MUC4: variants seen among roughly 807,000 people sequenced by gnomAD.
MUC4 encodes mucin 4, cell surface associated, also known as mucin-4.
A neutral mutation model predicts 257.9 loss-of-function variants in MUC4; 202 were observed. The observed-to-expected ratio is 0.78, with a 90% CI of 0.70 to 0.88. MUC4 has a LOEUF of 0.88. MUC4 is among the 40% of genes least tolerant of loss of function. MUC4 has a pLI of 0.00. For missense variants in MUC4, 5,976 were observed against 6,513.7 expected (o/e 0.92, Z 2.84); for synonymous variants, 2,351 against 2,757.1 (o/e 0.85, Z 4.62).
At chr3:195,802,905 G>A (rs1273316459) in intron 1 of MUC4, among the ~76,000 whole-genome samples, 2 of 152,022 alleles carry the variant, frequency 1.3e-5, no homozygotes, top group East Asian at 3.9e-4. Flanking sequence ...CAGCTGCAAA[G>A]GCCGTTTTCC....
chr3:195,757,242 A>T lies in MUC4; in HGVS notation c.15073T>A (p.Ser5025Thr), dbSNP rs757475796. 1.9e-6 allele frequency: 3 copies of T among 1,613,600 alleles called. No homozygotes were observed. The East Asian group carries it at 6.7e-5, about 36-fold the overall frequency. Residue 5025 changes from serine (S) to threonine (T), a missense_variant, in exon 18 of 25, where the codon TCT becomes ACT. Ser to Thr is a moderately conservative substitution (Grantham distance 58, BLOSUM62 1). Around this residue, in one of 44 missense-constraint regions of MUC4, gnomAD observed 996 missense variants for 1,137.3 expected, o/e 0.88. Coordinates refer to ENST00000463781, the MANE Select transcript of MUC4 (RefSeq NM_018406.7). This position sits in a 1 kb window ranked among gnomAD's most constrained non-coding sequence, Gnocchi z 4.8. ...ACCACAGTCCTGGGCTGGAGTGCAG[A>T]TGCCAAGCCAATCTTGGCACTTCTT... is the stretch of plus-strand genomic sequence containing the variant. ...LARSAKIGLA[S>T]ALQPRTVVCH...
chr3:195,788,266 A>G lies in MUC4; in HGVS notation c.3314T>C (p.Leu1105Pro). Residue 1105 changes from leucine (L) to proline (P), a missense_variant, in exon 2 of 25, where the codon CTT becomes CCT. Physicochemically the swap from Leu to Pro is moderately conservative, Grantham distance 98. Around this residue, in one of 44 missense-constraint regions of MUC4, gnomAD observed 68 missense variants for 90.4 expected, o/e 0.75. Transcript: ENST00000463781. ...TACTGAGGAAGTGTCGGTGACAGGA[A>G]GAGAGGTGGCGTGACCTGTGGATGC... ...SSASTGHATS[L>P]PVTDTSSVST... 1 of 1,474,750 alleles carries G rather than the reference A, an allele frequency of 6.8e-7. No homozygotes were observed. The highest frequency in any genetic ancestry group is 3.1e-5 in the East Asian group (1 of 31,956). The allele number at this position is 1,474,750 out of a possible 1,614,324, so 91.4% of individuals were successfully genotyped here.
chr3:195,801,441 GC>G (rs1735297737), intron 1 of MUC4, among the ~76,000 whole-genome samples: 1 of 151,542 alleles, frequency 6.6e-6, no homozygotes, highest in Non-Finnish European at 1.5e-5. Context: ...CCTCCCCGGG[GC>G]CCCGGGGCTC....
intron 16 of MUC4, among the ~76,000 whole-genome samples, chr3:195,760,668 TAGG>T (rs1174503232): frequency 6.7e-6 from 1 of 150,104 alleles, no homozygotes; most frequent in East Asian, 2.0e-4. Context: ...CGTCCAGCAC[TAGG>T]AGAAGAGCTC....
In MUC4 at chr3:195,755,673, G is replaced by A. The variant is rs1014840977; in HGVS notation, c.15169-1301C>T. 6.6e-6 allele frequency among the ~76,000 whole-genome samples: 1 copy of A among 152,206 alleles called. No homozygotes were observed. The highest frequency in any genetic ancestry group is 6.5e-5 in the Admixed American group (1 of 15,282). ...CGACTCGGGGAATCTCCCTAAAATG[G>A]AATCCTCTAACACTTGCTACTCCCA... On this transcript the variant is annotated intron_variant, in intron 18 of 24. Coordinates refer to ENST00000463781, the MANE Select transcript of MUC4 (RefSeq NM_018406.7). This position sits in a 1 kb window ranked among gnomAD's most constrained non-coding sequence, Gnocchi z 5.0.
chr3:195,782,640 GGTGTCAGGAAGAGGGGTGGC>G lies in MUC4; in HGVS notation c.8920_8939del (p.Ala2974ArgfsTer121). 1 of 884,098 alleles carries G rather than the reference GGTGTCAGGAAGAGGGGTGGC, an allele frequency of 1.1e-6. No individual in the cohort carries two copies. 54.8% of individuals were successfully genotyped at this position (884,098 alleles called of 1,614,324 possible). The stretch of plus-strand genomic sequence containing the variant: ...GACCTGTGGATGCTGAGGAAGTGTC[GGTGTCAGGAAGAGGGGTGGC>G]GTGACCTGTGGATGCTGAGGAAGTG... On this transcript the variant is annotated frameshift_variant, in exon 2 of 25. Coordinates refer to ENST00000463781, the MANE Select transcript of MUC4 (RefSeq NM_018406.7). LOFTEE classifies it high-confidence loss of function.
intron 18 of MUC4, among the ~76,000 whole-genome samples, chr3:195,754,756 A>G (rs963861555): frequency 6.6e-6 from 1 of 152,122 alleles, no homozygotes; most frequent in African/African-American, 2.4e-5. Flanking sequence ...GTATGTATCC[A>G]TGTATGTATG....
Position 195,788,967 on chromosome 3 carries a change from G to A in MUC4, c.2613C>T (p.Thr871=). The A allele has an allele frequency of 6.2e-7, 1 of 1,613,724 alleles. No individual in the cohort carries two copies. Among genetic ancestry groups the A allele is most frequent in the Non-Finnish European group, 8.5e-7 (1 of 1,179,778 alleles). Residue 871 remains threonine (T), a synonymous_variant, in exon 2 of 25, where the codon ACC becomes ACT. Coordinates refer to ENST00000463781, the MANE Select transcript of MUC4 (RefSeq NM_018406.7). ...TGMASSIVPG[T]FHPTLSEAST... is the part of the protein sequence containing the mutation. ...AGGCCTCAGAGAGGGTGGGATGAAA[G>A]GTGCCGGGGACGATCGAAGACGCCA...
At position 195,748,986 on chromosome 3, in the gene MUC4, C is replaced by T; in HGVS notation, c.15950G>A (p.Gly5317Asp). 6.2e-7 allele frequency: 1 copy of T among 1,609,714 alleles called. No individual in the cohort carries two copies. Among genetic ancestry groups the T allele is most frequent in the Non-Finnish European group, 8.5e-7 (1 of 1,177,954 alleles). ...ACTGCACGGGGACACGCAGGTGAAG[C>T]CGCTCTGGGGGCTGTAGACCAGGTC... Reference protein sequence around the residue: ...GYDLVYSPQSGFTCVSPCSRG... With the variant: ...GYDLVYSPQSDFTCVSPCSRG... Residue 5317 changes from glycine (G) to aspartate (D), a missense_variant, in exon 24 of 25, where the codon GGC becomes GAC. Gly to Asp is a moderately conservative substitution (Grantham distance 94, BLOSUM62 -1). This residue lies in a region of MUC4 where 310 missense variants were observed against 242.1 expected (regional missense o/e 1.28). Transcript: ENST00000463781.
At chr3:195,756,164 C>T (rs752405346) in intron 18 of MUC4, among the ~76,000 whole-genome samples, 32 of 152,178 alleles carry the variant, frequency 2.1e-4, no homozygotes, top group Non-Finnish European at 4.0e-4. Context: ...GTGATGATGA[C>T]ATCCTAGGGA....
chr3:195,801,349 C>T (rs1735280562), intron 1 of MUC4, among the ~76,000 whole-genome samples: 1 of 152,064 alleles, frequency 6.6e-6, no homozygotes, highest in Non-Finnish European at 1.5e-5. Context: ...CTTCTCTCCC[C>T]GTGACCCTCC....
chr3:195,777,673 A>G (rs1199342229), intron 3 of MUC4, among the ~76,000 whole-genome samples: 36 of 50,430 alleles, frequency 7.1e-4, no homozygotes, highest in African/African-American at 1.9e-3. Context: ...TACCTTCCAC[A>G]CCCATACCTT....
intron 7 of MUC4, among the ~76,000 whole-genome samples, chr3:195,767,582 C>CCAT (rs1262221699): frequency 2.6e-5 from 3 of 115,148 alleles, no homozygotes; most frequent in African/African-American, 4.2e-5. Flanking sequence ...ATCACCACCA[C>CCAT]CATCACCACC....
rs1289725515 is a variant in MUC4 at position 195,747,389 on chromosome 3, C to G, written c.16035-9G>C. 2.5e-5 allele frequency: 41 copies of G among 1,612,768 alleles called. No individual in the cohort carries two copies. Among genetic ancestry groups the G allele is most frequent in the Non-Finnish European group, 3.5e-5 (41 of 1,179,288 alleles). On this transcript the variant is annotated splice_polypyrimidine_tract_variant and intron_variant, in intron 24 of 24. Transcript: ENST00000463781. ...TGGAGAAGGACACACAGCTGGTGAC[C>G]AAGAGAGACAGACAGGCGGTCAGAG... is the stretch of plus-strand genomic sequence containing the variant.
intron 13 of MUC4, 64 bp downstream of exon 13, chr3:195,762,791 C>A: frequency 1.4e-6 from 2 of 1,423,582 alleles, no homozygotes; most frequent in East Asian, 2.5e-5. Context: ...CACCGCAACG[C>A]GGCTTCCCGC....
chr3:195,760,256 AT>A (rs1718494060), intron 16 of MUC4, among the ~76,000 whole-genome samples: 1 of 152,244 alleles, frequency 6.6e-6, no homozygotes, highest in South Asian at 2.1e-4. Flanking sequence ...TGAATGTGAC[AT>A]TTTAGACAGG....
intron 3 of MUC4, 54 bp from the exon 4 acceptor site, chr3:195,774,359 G>C: frequency 1.4e-6 from 2 of 1,472,902 alleles, no homozygotes; most frequent in Non-Finnish European, 9.0e-7. Context: ...GCCTTCTTTA[G>C]GGCTGAAAGG....
At chr3:195,772,854 TCC>T (rs1560277552) in intron 4 of MUC4, among the ~76,000 whole-genome samples, 14 of 96,634 alleles carry the variant, frequency 1.4e-4, no homozygotes, top group African/African-American at 4.3e-4. Context: ...ATAGACACCC[TCC>T]CTTCATCGCT....
intron 21 of MUC4, chr3:195,751,969 A>G (rs1350548143): frequency 2.5e-5 from 6 of 239,926 alleles, no homozygotes; most frequent in African/African-American, 4.4e-5. Flanking sequence ...GGTGTGCAGG[A>G]TTCTACAGCC....
Sources: gnomAD v4.1 joint callset for allele counts (sites outside exome capture counted in the v4.1 genomes callset) on GRCh38, gnomAD v4.1.1 for gene constraint, gnomAD v4.1.1 regional missense constraint, Gnocchi (gnomAD v3.1) non-coding constraint, MANE v1.5 for transcripts, NCBI Gene and HGNC (gene_info 2026-07-23, HGNC 2026-07-21) for gene names.